Variants in MOBP observed in about 807,000 individuals in gnomAD.
The protein encoded by MOBP is myelin associated oligodendrocyte basic protein.
A neutral mutation model predicts 15.0 loss-of-function variants in MOBP; 5 were observed. The ratio of observed to expected loss-of-function variants is 0.33; its 90% CI spans 0.17 to 0.70. The LOEUF is 0.70. Ranked by LOEUF, MOBP falls within the 30% of genes least tolerant of loss-of-function variation. The pLI, the probability that MOBP is intolerant of heterozygous loss-of-function variation, is 0.67. For missense variants in MOBP, 188 were observed against 257.8 expected, an observed-to-expected ratio of 0.73 and a Z score of 1.85; for synonymous variants, 88 against 99.0, an observed-to-expected ratio of 0.89 and a Z score of 0.66.
intron 2 of MOBP, among the ~76,000 whole-genome samples, chr3:39,485,410 T>C (rs1031361938): frequency 2.6e-5 from 4 of 152,192 alleles, no homozygotes; most frequent in Admixed American, 6.5e-5. Flanking sequence ...TAGCAAGGTT[T>C]TAGAGACTAA....
chr3:39,513,545 G>T, exon 5 of MOBP: 1 of 993,024 alleles, frequency 1.0e-6, no homozygotes, highest in Non-Finnish European at 1.5e-6. Flanking sequence ...ACCTGCTGAT[G>T]TGGCAACTGC....
chr3:39,505,182 G>T (rs2043032634), downstream of MOBP, among the ~76,000 whole-genome samples: 1 of 152,148 alleles, frequency 6.6e-6, no homozygotes, highest in African/African-American at 2.4e-5. Context: ...GGCCTCTTTT[G>T]GTTTCAGTGT....
At chr3:39,514,664 G>A (rs816492) in exon 5 of MOBP, 48,037 of 152,186 alleles carry the variant, frequency 0.32, 10,019 homozygotes, top group African/African-American at 0.6. Context: ...CTCTCTCTGT[G>A]TAGGAGGCCA....
intron 1 of MOBP, among the ~76,000 whole-genome samples, chr3:39,470,250 C>T (rs1029604676): frequency 1.3e-5 from 2 of 152,222 alleles, no homozygotes; most frequent in Non-Finnish European, 2.9e-5. Flanking sequence ...CAGCACTGAA[C>T]TACAGACCAC....
intron 3 of MOBP, among the ~76,000 whole-genome samples, chr3:39,523,151 A>G (rs2043290500): frequency 6.6e-6 from 1 of 152,220 alleles, no homozygotes; most frequent in Non-Finnish European, 1.5e-5. Context: ...ACTTAAGCTA[A>G]CAAAAAATTG....
chr3:39,520,291 G>A (rs183957801), downstream of MOBP, among the ~76,000 whole-genome samples: 2 of 152,286 alleles, frequency 1.3e-5, 1 homozygote, highest in Admixed American at 1.3e-4. Context: ...TGTTGGATAA[G>A]TTCTATCACT....
At chr3:39,499,633 G>A (rs2042941485) in intron 2 of MOBP, 1 of 158,494 alleles carries the variant, frequency 6.3e-6, no homozygotes, top group Admixed American at 6.5e-5. Context: ...TTTCTTCATG[G>A]ATGTCCTTGG....
intron 2 of MOBP, among the ~76,000 whole-genome samples, chr3:39,492,886 C>T (rs500507): frequency 0.3 from 45,381 of 152,040 alleles, 9,162 homozygotes; most frequent in African/African-American, 0.57. Context: ...GTGAGGGAGC[C>T]GAGTGAAAGA....
intron 1 of MOBP, among the ~76,000 whole-genome samples, chr3:39,469,205 C>CATATGTGTGTGTATATATACATAT (rs763474071): frequency 8.3e-5 from 5 of 60,034 alleles, no homozygotes; most frequent in Admixed American, 2.8e-4. Context: ...TACATATATA[C>CATATGTGTGTGTATATATACATAT]ATGTGTGTGT....
chr3:39,519,836 T>C (rs768565889), downstream of MOBP, among the ~76,000 whole-genome samples: 23 of 152,282 alleles, frequency 1.5e-4, no homozygotes, highest in South Asian at 4.2e-4. Context: ...CACAGCCTTC[T>C]ATTTACTGCA....
chr3:39,488,592 T>C (rs545397), intron 2 of MOBP, among the ~76,000 whole-genome samples: 112,643 of 152,134 alleles, frequency 0.74, 42,944 homozygotes, highest in African/African-American at 0.91. Context: ...AGGCTTAACC[T>C]GTGTGGAACA....
At chr3:39,521,064 C>T (rs1173093652) in intron 3 of MOBP, among the ~76,000 whole-genome samples, 1 of 152,028 alleles carries the variant, frequency 6.6e-6, no homozygotes, top group Non-Finnish European at 1.5e-5. Flanking sequence ...ATTCTCATGC[C>T]TCAGCTCCCG....
downstream of MOBP, chr3:39,526,999 C>T (rs2043331576): frequency 6.6e-6 from 1 of 152,140 alleles, no homozygotes; most frequent in Non-Finnish European, 1.5e-5. Flanking sequence ...TGGTCTCAAC[C>T]TCTGGACCTC....
intron 4 of MOBP, chr3:39,513,380 C>T: frequency 6.2e-7 from 1 of 1,613,682 alleles, no homozygotes; most frequent in East Asian, 2.2e-5. Flanking sequence ...CTTTGTAAAC[C>T]AGATTGAAAA....
downstream of MOBP, among the ~76,000 whole-genome samples, chr3:39,520,719 C>T (rs564674408): frequency 1.3e-5 from 2 of 152,212 alleles, no homozygotes; most frequent in African/African-American, 2.4e-5. Context: ...CCTTCAATTC[C>T]GTATGTCTCC....
intron 2 of MOBP, among the ~76,000 whole-genome samples, chr3:39,494,830 G>A (rs2042854912): frequency 8.2e-6 from 1 of 121,810 alleles, no homozygotes; most frequent in Non-Finnish European, 1.6e-5. Flanking sequence ...ACAGGAAACT[G>A]AGTCTAACCA....
chr3:39,478,869 A>C, intron 1 of MOBP, among the ~76,000 whole-genome samples: 1 of 147,804 alleles, frequency 6.8e-6, no homozygotes, highest in Non-Finnish European at 1.5e-5. Flanking sequence ...TCACTTTGTC[A>C]CCCAGGCTAA....
intron 1 of MOBP, among the ~76,000 whole-genome samples, chr3:39,475,299 G>C (rs548744001): frequency 2.0e-5 from 3 of 152,270 alleles, no homozygotes; most frequent in South Asian, 2.1e-4. Flanking sequence ...TACTGGTGAT[G>C]TTAACCTTGA....
At chr3:39,479,153 C>G (rs1472061956) in intron 1 of MOBP, among the ~76,000 whole-genome samples, 3 of 151,990 alleles carry the variant, frequency 2.0e-5, no homozygotes, top group African/African-American at 7.3e-5. Flanking sequence ...AATAAGAAAG[C>G]TTGTAGATTC....
Sources: gnomAD v4.1 joint callset for allele counts (sites outside exome capture counted in the v4.1 genomes callset) on GRCh38, gnomAD v4.1.1 for gene constraint, MANE v1.5 for transcripts, NCBI Gene and HGNC (gene_info 2026-07-23, HGNC 2026-07-21) for gene names.